TBC1D1: variants seen among roughly 807,000 people sequenced by gnomAD.
TBC1D1 encodes TBC1 (tre-2/USP6, BUB2, cdc16) domain family, member 1.
In TBC1D1, 89 loss-of-function variants were observed where a neutral mutation model predicts 125.6. The ratio of observed to expected loss-of-function variants is 0.71; its 90% CI spans 0.60 to 0.85. The LOEUF (loss-of-function observed/expected upper bound fraction) is 0.85. Among genes scored for constraint, TBC1D1 ranks in the 40% least tolerant of loss-of-function variants. TBC1D1 has a pLI of 0.00. For missense variants in TBC1D1, 1,377 were observed against 1,469.2 expected, an observed-to-expected ratio of 0.94 and a Z score of 1.03; for synonymous variants, 565 against 564.1, an observed-to-expected ratio of 1.00 and a Z score of -0.02.
At chr4:37,912,515 T>C (rs924153304) in intron 2 of TBC1D1, among the ~76,000 whole-genome samples, 2 of 151,970 alleles carry the variant, frequency 1.3e-5, no homozygotes, top group African/African-American at 4.8e-5. Context: ...GCTGAAGGAG[T>C]TGGACAGTCC....
At chr4:38,007,346 G>A (rs1022285097) in intron 2 of TBC1D1, among the ~76,000 whole-genome samples, 11 of 151,976 alleles carry the variant, frequency 7.2e-5, no homozygotes, top group Middle Eastern at 3.2e-3. Context: ...TTTGCCTCCC[G>A]GGTTCAAGCA....
intron 2 of TBC1D1, among the ~76,000 whole-genome samples, chr4:37,981,493 A>G (rs1169717043): frequency 6.6e-6 from 1 of 152,138 alleles, no homozygotes; most frequent in Non-Finnish European, 1.5e-5. Flanking sequence ...TAGATGGGAG[A>G]GATAGCAAAG....
chr4:38,089,257 G>T (rs1323779664), intron 12 of TBC1D1, among the ~76,000 whole-genome samples: 2 of 152,176 alleles, frequency 1.3e-5, no homozygotes, highest in Non-Finnish European at 2.9e-5. Flanking sequence ...TTGTCATCAG[G>T]ATTAAATGAG....
intron 2 of TBC1D1, among the ~76,000 whole-genome samples, chr4:38,001,933 T>C (rs190721262): frequency 6.8e-4 from 104 of 152,358 alleles, no homozygotes; most frequent in African/African-American, 2.2e-3. Flanking sequence ...TTCAGCATAA[T>C]TGAATCTTTT....
At chr4:38,026,366 GC>G (rs1745089309) in intron 6 of TBC1D1, among the ~76,000 whole-genome samples, 1 of 152,234 alleles carries the variant, frequency 6.6e-6, no homozygotes, top group Non-Finnish European at 1.5e-5. Flanking sequence ...CTTTGGGCAG[GC>G]GTGGCTGCCG....
At chr4:37,982,929 C>G (rs1431099094) in intron 2 of TBC1D1, among the ~76,000 whole-genome samples, 5 of 152,092 alleles carry the variant, frequency 3.3e-5, no homozygotes, top group Admixed American at 2.0e-4. Flanking sequence ...GTTAGAGTAG[C>G]GTATGCTAAG....
chr4:37,948,017 A>G (rs1727066978), intron 2 of TBC1D1, among the ~76,000 whole-genome samples: 1 of 152,240 alleles, frequency 6.6e-6, no homozygotes, highest in Non-Finnish European at 1.5e-5. Context: ...CCTAGTTAAC[A>G]AAGTGGAAAC....
chr4:37,988,655 A>T (rs1292937303), intron 2 of TBC1D1, among the ~76,000 whole-genome samples: 1 of 152,174 alleles, frequency 6.6e-6, no homozygotes, highest in African/African-American at 2.4e-5. Context: ...GAAGCCCACT[A>T]TAGGTGAGAT....
intron 2 of TBC1D1, among the ~76,000 whole-genome samples, chr4:38,008,785 A>C (rs1740875455): frequency 6.6e-6 from 1 of 152,198 alleles, no homozygotes; most frequent in Non-Finnish European, 1.5e-5. Flanking sequence ...AAGACAGACC[A>C]CTGCACAGGA....
At chr4:37,940,657 A>G (rs1560506061) in intron 2 of TBC1D1, among the ~76,000 whole-genome samples, 1 of 152,080 alleles carries the variant, frequency 6.6e-6, no homozygotes, top group Non-Finnish European at 1.5e-5. Context: ...ATTGGCTGTG[A>G]GTTTGTCATA....
intron 2 of TBC1D1, among the ~76,000 whole-genome samples, chr4:37,966,182 GT>G (rs1000935716): frequency 5.3e-5 from 8 of 152,154 alleles, no homozygotes; most frequent in Non-Finnish European, 1.2e-4. Context: ...ACTGTCTGAG[GT>G]CACATAGCTG....
At chr4:38,013,682 C>T (rs1252619945) in intron 2 of TBC1D1, among the ~76,000 whole-genome samples, 2 of 152,202 alleles carry the variant, frequency 1.3e-5, no homozygotes, top group African/African-American at 4.8e-5. Flanking sequence ...GAAGAACCTT[C>T]TCAGAGGTTA....
At chr4:37,941,757 A>G (rs1577965134) in intron 2 of TBC1D1, among the ~76,000 whole-genome samples, 1 of 152,158 alleles carries the variant, frequency 6.6e-6, no homozygotes, top group African/African-American at 2.4e-5. Context: ...GAACATCTTT[A>G]TTTCTGCCTT....
intron 17 of TBC1D1, among the ~76,000 whole-genome samples, chr4:38,120,622 A>G (rs1475818762): frequency 6.6e-6 from 1 of 152,230 alleles, no homozygotes; most frequent in Non-Finnish European, 1.5e-5. Flanking sequence ...GTTACCTGGC[A>G]TTAAGTATGT....
intron 1 of TBC1D1, 32 bp downstream of exon 1, chr4:37,891,380 A>G (rs971934573): frequency 6.6e-6 from 1 of 150,460 alleles, no homozygotes; most frequent in Non-Finnish European, 1.5e-5. Flanking sequence ...CGTCCTGGCC[A>G]CCCTGCTGGC....
At chr4:37,908,625 C>T (rs1333192227) in intron 2 of TBC1D1, among the ~76,000 whole-genome samples, 1 of 152,192 alleles carries the variant, frequency 6.6e-6, no homozygotes, top group Non-Finnish European at 1.5e-5. Context: ...CCACTCTGAA[C>T]GCGGCGTGGG....
intron 1 of TBC1D1, among the ~76,000 whole-genome samples, chr4:37,892,571 TTG>T: frequency 7.8e-6 from 1 of 127,766 alleles, no homozygotes; most frequent in South Asian, 2.3e-4. Flanking sequence ...TCCTGTGGAT[TTG>T]TCCAGCCATT....
At chr4:37,979,872 T>C (rs4832746) in intron 2 of TBC1D1, among the ~76,000 whole-genome samples, 104,273 of 152,232 alleles carry the variant, frequency 0.68, 36,285 homozygotes, top group East Asian at 0.93. Flanking sequence ...CTCTGGCTCC[T>C]GGGTTCAAGT....
chr4:38,104,671 C>T (rs1234871696), intron 15 of TBC1D1, among the ~76,000 whole-genome samples: 4 of 152,124 alleles, frequency 2.6e-5, no homozygotes, highest in African/African-American at 4.8e-5. Context: ...CAGTGTGAGC[C>T]GCATCAGGCA....
Sources: gnomAD v4.1 joint callset for allele counts (sites outside exome capture counted in the v4.1 genomes callset) on GRCh38, gnomAD v4.1.1 for gene constraint, MANE v1.5 for transcripts, NCBI Gene and HGNC (gene_info 2026-07-23, HGNC 2026-07-21) for gene names.